Variants in ULK1 observed in about 807,000 individuals in gnomAD.
The protein encoded by ULK1 is unc-51 like autophagy activating kinase 1.
In ULK1, 48 loss-of-function variants were observed where a neutral mutation model predicts 117.5. The observed-to-expected ratio is 0.41, with a 90% CI of 0.32 to 0.52. The LOEUF (loss-of-function observed/expected upper bound fraction) is 0.52. Ranked by LOEUF, ULK1 falls within the 20% of genes least tolerant of loss-of-function variation. The probability of loss-of-function intolerance (pLI) is 0.29; values close to 1 mark genes in which losing one functional copy is unlikely to be tolerated. For synonymous variants in ULK1, 790 were observed against 637.8 expected, an observed-to-expected ratio of 1.24 and a Z score of -3.60; for missense variants, 1,387 against 1,473.4, an observed-to-expected ratio of 0.94 and a Z score of 0.96.
At chr12:131,920,930 C>T (rs1890123770) in intron 26 of ULK1, 170 bp from the exon 27 acceptor site, 1 of 938,518 alleles carries the variant, frequency 1.1e-6, no homozygotes, top group Non-Finnish European at 1.5e-6. Context: ...CTCCCCTTGG[C>T]CCTGTGACCA....
In ULK1 at chr12:131,917,571, C is replaced by G. The variant is rs757436201; in HGVS notation, c.2326+17C>G. 1.1e-5 allele frequency: 16 copies of G among 1,402,118 alleles called. No homozygotes were observed. In the South Asian group the frequency reaches 1.4e-4, roughly 12 times the overall value. The allele number at this position is 1,402,118 out of a possible 1,614,324, so 86.9% of individuals were successfully genotyped here. On this transcript the variant is annotated intron_variant, in intron 22 of 27. Transcript: ENST00000321867. ...TGTTCTCAGGTGAGGGCTGGCTAGGCTGAAGCCCTGTCCCTTTTGGGGTGG... is the reference window on the plus strand; with the variant it reads ...TGTTCTCAGGTGAGGGCTGGCTAGGGTGAAGCCCTGTCCCTTTTGGGGTGG...
At chr12:131,918,347 G>T (rs533388761) in intron 22 of ULK1, 150 bp from the exon 23 acceptor site, 717 of 970,870 alleles carry the variant, frequency 7.4e-4, no homozygotes, top group Non-Finnish European at 9.1e-4. Context: ...GGGGCCTGCT[G>T]TGCTTCTCCT....
In ULK1 at chr12:131,906,895, A is replaced by G. The variant is rs752865268; in HGVS notation, c.250A>G (p.Met84Val). ...NIVALYDFQEMANSVYLVMEY... is the reference protein window; with the variant it reads ...NIVALYDFQEVANSVYLVMEY... ...CAGCCTCTTTTCTGTCTTGCAGGAAATGGCTAATTCTGTCTACCTGGTTAT... is the reference window on the plus strand; with the variant it reads ...CAGCCTCTTTTCTGTCTTGCAGGAAGTGGCTAATTCTGTCTACCTGGTTAT... Residue 84 changes from methionine to valine, a missense_variant, in exon 4 of 28, where the codon ATG becomes GTG. Met to Val is a conservative substitution (Grantham distance 21). Around this residue, in one of 4 missense-constraint regions of ULK1, gnomAD observed 224 missense variants for 325.2 expected, o/e 0.69. Coordinates refer to ENST00000321867, the MANE Select transcript of ULK1 (RefSeq NM_003565.4). 9.9e-6 allele frequency: 16 copies of G among 1,613,998 alleles called. No homozygotes were observed. The highest frequency in any genetic ancestry group is 2.7e-5 in the African/African-American group (2 of 74,946).
chr12:131,920,112 C>T lies in ULK1; in HGVS notation c.2937C>T (p.Leu979=). The T allele has an allele frequency of 4.3e-6, 7 of 1,612,816 alleles. No individual in the cohort carries two copies. The highest frequency in any genetic ancestry group is 1.1e-5 in the South Asian group (1 of 91,086). The change falls in exon 26 of 28, where the codon CTC becomes CTT. Residue 979 remains leucine (L), a synonymous_variant. Coordinates refer to ENST00000321867, the MANE Select transcript of ULK1 (RefSeq NM_003565.4). ...TTCACAGCATCACTGCCGAGAGGCT[C>T]ATCTTCAGCCACGCTGTGCAGATGG... ...DRIHSITAER[L]IFSHAVQMVQ... is the part of the protein sequence containing the mutation.
chr12:131,909,129 C>A lies in ULK1; in HGVS notation c.565-7C>A. 6.2e-7 allele frequency: 1 copy of A among 1,604,176 alleles called. No homozygotes were observed. The highest frequency in any genetic ancestry group is 1.1e-5 in the South Asian group (1 of 89,938). ...GCCTCACACTGACCCGACTTCTGGT[C>A]CCGCAGGCCCCCGAGGTCATCATGT... is the stretch of plus-strand genomic sequence containing the variant. On this transcript the variant is annotated splice_region_variant and splice_polypyrimidine_tract_variant and intron_variant, in intron 7 of 27. Coordinates refer to ENST00000321867, the MANE Select transcript of ULK1 (RefSeq NM_003565.4).
rs1889467262 is a variant in ULK1, at chr12:131,910,105, C to G, written c.808+104C>G. ...CTTCACACCCAGCCCCATGTGCACA[C>G]TGCCCTTTCCACAAGCCAAGCGCAG... On this transcript the variant is annotated intron_variant, in intron 10 of 27. Coordinates refer to ENST00000321867, the MANE Select transcript of ULK1 (RefSeq NM_003565.4). 3 of 1,561,154 alleles carry G rather than the reference C, an allele frequency of 1.9e-6. No individual in the cohort carries two copies. The South Asian group carries it at 3.4e-5, about 17-fold the overall frequency.
rs1360335087 is a variant in ULK1, at chr12:131,918,604, G to T, written c.2434G>T (p.Ala812Ser). ...TGCTCCAGGACACGGCTGCAGCTTT[G>T]CCGACCCCATTACTGCGAACCTGGA... ...LPAPGHGCSF[A>S]DPITANLEGA... The change falls in exon 23 of 28, where the codon GCC becomes TCC. Residue 812 changes from alanine (A) to serine (S), a missense_variant. Ala to Ser is a moderately conservative substitution (Grantham distance 99, BLOSUM62 1). Transcript: ENST00000321867. 2 of 1,610,672 alleles carry T rather than the reference G, an allele frequency of 1.2e-6. No homozygotes were observed.
intron 5 of ULK1, among the ~76,000 whole-genome samples, chr12:131,907,865 GC>G (rs1230865633): frequency 6.6e-6 from 1 of 151,602 alleles, no homozygotes; most frequent in Non-Finnish European, 1.5e-5. Flanking sequence ...CCAAAGTTGA[GC>G]CCTGTGGCGG....
intron 15 of ULK1, 109 bp downstream of exon 15, chr12:131,913,945 C>G: frequency 1.0e-6 from 1 of 991,716 alleles, no homozygotes; most frequent in Non-Finnish European, 1.4e-6. Flanking sequence ...CCAGAGGCCC[C>G]TGCCTTCTTC....
intron 3 of ULK1, among the ~76,000 whole-genome samples, chr12:131,900,114 C>CAA (rs55658532): frequency 2.4e-4 from 17 of 70,108 alleles, no homozygotes; most frequent in South Asian, 5.1e-4. Flanking sequence ...GAAACTCTCT[C>CAA]AAAAAAAAAA....
chr12:131,916,320 C>T (rs1361223586), intron 19 of ULK1, 78 bp from the exon 20 acceptor site: 1 of 1,518,870 alleles, frequency 6.6e-7, no homozygotes, highest in Non-Finnish European at 8.8e-7. Flanking sequence ...TTCCTGCGGA[C>T]TCGGCCCCTT....
At chr12:131,895,933 A>G (rs1888847857) in intron 3 of ULK1, 109 bp downstream of exon 3, 3 of 1,428,828 alleles carry the variant, frequency 2.1e-6, no homozygotes, top group East Asian at 2.3e-5. Flanking sequence ...GCTGGGGTCT[A>G]CTGGGCCCCT....
At chr12:131,909,657 T>C in intron 8 of ULK1, 118 bp from the exon 9 acceptor site, 1 of 1,090,996 alleles carries the variant, frequency 9.2e-7, no homozygotes, top group Non-Finnish European at 1.3e-6. Context: ...GCACCCGGTT[T>C]CCCCCGGGCT....
In ULK1 at chr12:131,919,482, C is replaced by G; in HGVS notation, c.2695C>G (p.Gln899Glu). The G allele has an allele frequency of 6.2e-7, 1 of 1,610,972 alleles. No homozygotes were observed. The highest frequency in any genetic ancestry group is 8.5e-7 in the Non-Finnish European group (1 of 1,179,022). Residue 899 changes from glutamine (Q) to glutamate (E), a missense_variant, in exon 25 of 28, where the codon CAG (glutamine) becomes GAG (glutamate). By Grantham distance (29) the Gln-to-Glu change is conservative (BLOSUM62 2). Around this residue, in one of 4 missense-constraint regions of ULK1, gnomAD observed 900 missense variants for 858.9 expected, o/e 1.05. Coordinates refer to ENST00000321867, the MANE Select transcript of ULK1 (RefSeq NM_003565.4). The stretch of plus-strand genomic sequence containing the variant: ...GCCTGCCGCCCCCAGCTTCGCGGAA[C>G]AGCTGGTGCTGTACCTGAAGGTGGC... The part of the protein sequence containing the change: ...LLSREWGFAE[Q>E]LVLYLKVAEL...
chr12:131,919,425 G>T, intron 24 of ULK1, 41 bp downstream of exon 24: 1 of 1,577,952 alleles, frequency 6.3e-7, no homozygotes, highest in Non-Finnish European at 8.6e-7. Context: ...GTGGTGGCCT[G>T]GGGGCCAGGA....
chr12:131,908,650 G>A lies in ULK1; in HGVS notation c.323G>A (p.Arg108His). ...GAGCCGCCTCTCCCCGCAGCCATGC[G>A]CACGCTGAGCGAGGACACCATCAGG... ...GDLADYLHAM[R>H]TLSEDTIRLF... is the part of the protein sequence containing the mutation. Residue 108 changes from arginine to histidine, a missense_variant, in exon 6 of 28, where the codon CGC (arginine) becomes CAC (histidine). Around this residue, in one of 4 missense-constraint regions of ULK1, gnomAD observed 224 missense variants for 325.2 expected, o/e 0.69. Transcript: ENST00000321867. 3.9e-6 allele frequency: 6 copies of A among 1,529,820 alleles called. No individual in the cohort carries two copies. Among genetic ancestry groups the A allele is most frequent in the Non-Finnish European group, 4.4e-6 (5 of 1,144,214 alleles). The allele number at this position is 1,529,820 out of a possible 1,614,324, so 94.8% of individuals were successfully genotyped here.
intron 2 of ULK1, 23 bp from the exon 3 acceptor site, chr12:131,895,760 A>T (rs372409453): frequency 3.1e-6 from 5 of 1,613,798 alleles, no homozygotes; most frequent in Non-Finnish European, 4.2e-6. Context: ...CACACTGATA[A>T]CAAACTTGGG....
At position 131,920,796 on chromosome 12, in the gene ULK1, G is replaced by GC. The variant is rs1281750359; in HGVS notation, c.2962-298dup. 12 of 390,968 alleles carry GC rather than the reference G, an allele frequency of 3.1e-5. No homozygotes were observed. In the East Asian group the frequency reaches 4.4e-4, roughly 14 times the overall value. 24.2% of individuals were successfully genotyped at this position (390,968 alleles called of 1,614,324 possible). ...CATGGGAAAAGTCAGCCTCCCTCCT[G>GC]CCCCCCTTCCCGCCCAGGCAGGCCA... is the stretch of plus-strand genomic sequence containing the variant. On this transcript the variant is annotated intron_variant, in intron 26 of 27. Coordinates refer to ENST00000321867, the MANE Select transcript of ULK1 (RefSeq NM_003565.4).
intron 3 of ULK1, among the ~76,000 whole-genome samples, chr12:131,904,006 G>T (rs531796840): frequency 6.6e-6 from 1 of 152,252 alleles, no homozygotes; most frequent in Admixed American, 6.5e-5. Flanking sequence ...TGTGGCTGGA[G>T]GGATGGCAGG....
Sources: allele counts gnomAD v4.1 joint callset (sites outside exome capture counted in the v4.1 genomes callset), GRCh38; gene constraint gnomAD v4.1.1; regional missense constraint gnomAD v4.1.1; transcripts MANE v1.5; gene names NCBI Gene and HGNC (gene_info 2026-07-23, HGNC 2026-07-21).